Variants in CAPZB observed in about 807,000 individuals in gnomAD.
CAPZB encodes F-actin-capping protein subunit beta.
In CAPZB, 2 loss-of-function variants were observed where a neutral mutation model predicts 38.1. The observed-to-expected ratio is 0.05, with a 90% CI of 0.02 to 0.17. CAPZB has a LOEUF of 0.17. Among genes scored for constraint, CAPZB ranks in the 10% least tolerant of loss-of-function variants. CAPZB has a pLI of 1.00. For missense variants in CAPZB, 161 were observed against 334.2 expected (o/e 0.48, Z 4.04); for synonymous variants, 107 against 127.4 (o/e 0.84, Z 1.08).
rs34245294 is a variant in CAPZB at position 19,383,116 on chromosome 1, CAA to C, written c.215+2387_215+2388del. ...CAACAAAATGAGGCCCCCATCTCTA[CAA>C]AAAAAAAAAAAAAAGGAGAGAGAAA... is the stretch of plus-strand genomic sequence containing the variant. On this transcript the variant is annotated intron_variant, in intron 3 of 8. Transcript: ENST00000264202. Among the ~76,000 whole-genome samples, 597 of 128,198 alleles carry C rather than the reference CAA, an allele frequency of 4.7e-3. 2 individuals carry two copies. The highest frequency in any genetic ancestry group is 0.011 in the African/African-American group (369 of 34,180). The allele number at this position is 128,198 out of a possible 152,430, so 84.1% of individuals were successfully genotyped here. A position where few individuals can be genotyped will look rare whatever the true frequency, so the allele number is the denominator to read the frequency against.
chr1:19,385,649 T>A (rs1454923629), intron 2 of CAPZB, 23 bp from the exon 3 acceptor site: 3 of 1,614,068 alleles, frequency 1.9e-6, no homozygotes, highest in Non-Finnish European at 2.5e-6. Context: ...AAGGACAAGG[T>A]CGAAACAGAG....
intron 2 of CAPZB, among the ~76,000 whole-genome samples, chr1:19,409,555 G>A (rs1361592300): frequency 6.6e-6 from 1 of 152,164 alleles, no homozygotes; most frequent in Non-Finnish European, 1.5e-5. Flanking sequence ...TATTGATGGA[G>A]GCAATGCCAT....
rs538547222 is a variant in CAPZB, at chr1:19,396,464, TG to T, written c.94-10839del. The stretch of plus-strand genomic sequence containing the variant: ...GCCAGCCCTGAGTTGGATGAAGGTG[TG>T]CACCCACTGGGCGTGGGCTGCCGCC... On this transcript the variant is annotated intron_variant, in intron 2 of 8. Transcript: ENST00000264202. Among the ~76,000 whole-genome samples the T allele has an allele frequency of 3.3e-3, 497 of 152,262 alleles. 3 individuals carry two copies. Among genetic ancestry groups the T allele is most frequent in the African/African-American group, 0.011 (458 of 41,544 alleles).
At chr1:19,481,650 C>T (rs764448292) in intron 1 of CAPZB, among the ~76,000 whole-genome samples, 2 of 152,176 alleles carry the variant, frequency 1.3e-5, no homozygotes, top group East Asian at 1.9e-4. Context: ...GGTTTCATTT[C>T]GGGGCCCCAG....
chr1:19,459,875 C>T (rs1028863791), intron 1 of CAPZB, among the ~76,000 whole-genome samples: 20 of 152,142 alleles, frequency 1.3e-4, no homozygotes, highest in African/African-American at 1.7e-4. Flanking sequence ...CTGTCTACAC[C>T]GCCCACCCCA....
chr1:19,407,260 G>T (rs2094336670), intron 2 of CAPZB, among the ~76,000 whole-genome samples: 1 of 152,164 alleles, frequency 6.6e-6, no homozygotes, highest in Admixed American at 6.5e-5. Flanking sequence ...TTGGCTAGTG[G>T]CACCTCACAA....
intron 2 of CAPZB, among the ~76,000 whole-genome samples, chr1:19,387,810 A>AT (rs1221098636): frequency 6.6e-6 from 1 of 152,184 alleles, no homozygotes; most frequent in Non-Finnish European, 1.5e-5. Flanking sequence ...TGCCCATGTG[A>AT]TTTTGAGGAC....
chr1:19,453,975 G>T (rs1322404201), intron 1 of CAPZB, among the ~76,000 whole-genome samples: 1 of 152,202 alleles, frequency 6.6e-6, no homozygotes, highest in Admixed American at 6.5e-5. Context: ...CGCCCAGGCA[G>T]CCAGCTGCAG....
intron 2 of CAPZB, among the ~76,000 whole-genome samples, chr1:19,395,632 A>G (rs940404969): frequency 6.6e-6 from 1 of 152,228 alleles, no homozygotes; most frequent in Non-Finnish European, 1.5e-5. Context: ...TGTTGTCCAC[A>G]TGTAACCTTA....
At chr1:19,372,475 G>C (rs1400725880) in intron 4 of CAPZB, among the ~76,000 whole-genome samples, 1 of 152,190 alleles carries the variant, frequency 6.6e-6, no homozygotes, top group Non-Finnish European at 1.5e-5. Flanking sequence ...AGCAGGGAAG[G>C]TTTCCTATCT....
chr1:19,370,599 C>G (rs1019217472), intron 4 of CAPZB, among the ~76,000 whole-genome samples: 1 of 152,168 alleles, frequency 6.6e-6, no homozygotes, highest in African/African-American at 2.4e-5. Context: ...ATTTCAGATG[C>G]CCACAAGGAA....
At chr1:19,447,983 A>G (rs2094502212) in intron 1 of CAPZB, among the ~76,000 whole-genome samples, 1 of 152,208 alleles carries the variant, frequency 6.6e-6, no homozygotes, top group Admixed American at 6.5e-5. Context: ...TGAAGAAAAG[A>G]GGGCGGAGGG....
chr1:19,363,876 A>C (rs2094068190), intron 4 of CAPZB, among the ~76,000 whole-genome samples: 1 of 152,198 alleles, frequency 6.6e-6, no homozygotes, highest in Non-Finnish European at 1.5e-5. Context: ...CCAACAGATA[A>C]TGAGTACATG....
intron 2 of CAPZB, among the ~76,000 whole-genome samples, chr1:19,414,488 C>G (rs2094370874): frequency 6.6e-6 from 1 of 152,114 alleles, no homozygotes; most frequent in Non-Finnish European, 1.5e-5. Flanking sequence ...TGGGGACACC[C>G]AAGAGCTGAG....
At chr1:19,484,247 A>G in intron 1 of CAPZB, 1 of 1,612,490 alleles carries the variant, frequency 6.2e-7, no homozygotes, top group Non-Finnish European at 8.5e-7. Flanking sequence ...GACAGTTCAG[A>G]GGGAAGGGGA....
At chr1:19,367,467 C>T (rs914543323) in intron 4 of CAPZB, among the ~76,000 whole-genome samples, 3 of 152,190 alleles carry the variant, frequency 2.0e-5, no homozygotes, top group African/African-American at 4.8e-5. Context: ...GGAGCGGTTC[C>T]GTACCCACTG....
At chr1:19,422,166 C>A (rs1401988123) in intron 1 of CAPZB, among the ~76,000 whole-genome samples, 1 of 152,176 alleles carries the variant, frequency 6.6e-6, no homozygotes, top group African/African-American at 2.4e-5. Context: ...TACACACACA[C>A]CTCCAACAAC....
At chr1:19,420,520 G>T (rs1218776042) in intron 1 of CAPZB, among the ~76,000 whole-genome samples, 2 of 149,564 alleles carry the variant, frequency 1.3e-5, no homozygotes, top group Non-Finnish European at 3.0e-5. Context: ...AGGCTCAAGT[G>T]ATCCTCCCAC....
chr1:19,339,869 A>C (rs1335755607), intron 8 of CAPZB, among the ~76,000 whole-genome samples: 1 of 152,184 alleles, frequency 6.6e-6, no homozygotes, highest in Non-Finnish European at 1.5e-5. Flanking sequence ...ACAGGTGCTC[A>C]TCTCTGCCCC....
Sources: gnomAD v4.1 joint callset for allele counts (sites outside exome capture counted in the v4.1 genomes callset) on GRCh38, gnomAD v4.1.1 for gene constraint, MANE v1.5 for transcripts, NCBI Gene and HGNC (gene_info 2026-07-23, HGNC 2026-07-21) for gene names.